Variants in ARHGAP22 observed in about 807,000 individuals in gnomAD.
ARHGAP22 encodes the protein Rho GTPase activating protein 22, also known as rho GTPase-activating protein 22.
A neutral mutation model predicts 59.1 loss-of-function variants in ARHGAP22; 48 were observed. That is an observed-to-expected ratio of 0.81 (90% CI 0.64 to 1.03). ARHGAP22 has a LOEUF of 1.03. Ranked by LOEUF, ARHGAP22 falls within the 50% of genes least tolerant of loss-of-function variation. ARHGAP22 has a pLI of 0.00. For synonymous variants in ARHGAP22, 445 were observed against 416.4 expected (o/e 1.07, Z -0.84); for missense variants, 1,015 against 958.7 (o/e 1.06, Z -0.78).
rs374484284 is a variant in ARHGAP22 at position 48,630,383 on chromosome 10, C to T, written c.52+21851G>A. On this transcript the variant is annotated intron_variant, in intron 1 of 9. Coordinates refer to the ARHGAP22 transcript ENST00000435790. The stretch of plus-strand genomic sequence containing the variant: ...GGGATTACAGGAATGAGCCACCACG[C>T]CCAGCCCAGAAATGACATCTTAACA... Among the ~76,000 whole-genome samples, 14 of 152,324 alleles carry T rather than the reference C, an allele frequency of 9.2e-5. No individual in the cohort carries two copies. The East Asian group carries it at 2.3e-3, about 25-fold the overall frequency.
At position 48,450,908 on chromosome 10, in the gene ARHGAP22, T is replaced by A; in HGVS notation, c.1221A>T (p.Thr407=). The change falls in exon 9 of 10, where the codon ACA becomes ACT. Residue 407 remains threonine, a synonymous_variant. Coordinates refer to ENST00000249601, the MANE Select transcript of ARHGAP22 (RefSeq NM_021226.4). ...ACCGGCTCCCCGGCCCCGTGGGGGC[T>A]GTTCTGGAGAGCACCGCCACGGCCG... ...DGAAVAVLSR[T]APTGPGSRCS... 1 of 1,595,380 alleles carries A rather than the reference T, an allele frequency of 6.3e-7. No homozygotes were observed. Among genetic ancestry groups the A allele is most frequent in the Non-Finnish European group, 8.5e-7 (1 of 1,172,204 alleles).
At chr10:48,489,669 C>G (rs1177835091) in intron 3 of ARHGAP22, among the ~76,000 whole-genome samples, 2 of 150,956 alleles carry the variant, frequency 1.3e-5, no homozygotes, top group African/African-American at 4.9e-5. Context: ...TTTTAATTGT[C>G]TGTGTGGCCA....
intron 2 of ARHGAP22, among the ~76,000 whole-genome samples, chr10:48,577,970 G>C (rs184462958): frequency 6.6e-6 from 1 of 151,744 alleles, no homozygotes; most frequent in Non-Finnish European, 1.5e-5. Flanking sequence ...CAGCACACCC[G>C]GCTAATTTTT....
chr10:48,454,510 C>G (rs1054215151), intron 6 of ARHGAP22, among the ~76,000 whole-genome samples: 8 of 152,216 alleles, frequency 5.3e-5, no homozygotes, highest in African/African-American at 1.9e-4. Flanking sequence ...AACAGTCCTT[C>G]CCTGGCCCTG....
At chr10:48,543,900 T>C (rs1231509118) in intron 3 of ARHGAP22, among the ~76,000 whole-genome samples, 2 of 152,128 alleles carry the variant, frequency 1.3e-5, no homozygotes, top group East Asian at 1.9e-4. Context: ...GGTGGGCCGA[T>C]TGCCTGAGGT....
chr10:48,646,842 A>C (rs950621596), intron 1 of ARHGAP22, among the ~76,000 whole-genome samples: 1 of 152,240 alleles, frequency 6.6e-6, no homozygotes, highest in Admixed American at 6.5e-5. Context: ...CTTAGATACC[A>C]TATCAAAAGC....
intron 2 of ARHGAP22, among the ~76,000 whole-genome samples, chr10:48,570,774 C>G (rs2058347621): frequency 2.0e-5 from 3 of 152,200 alleles, no homozygotes; most frequent in African/African-American, 7.2e-5. Flanking sequence ...GGCCCCATGG[C>G]ATCAAGGTCT....
Position 48,577,801 on chromosome 10 carries a change from G to GTTTTTTTTTTTTTTTTTTTTT in ARHGAP22, c.234+5131_234+5151dup, listed in dbSNP as rs34557935. On this transcript the variant is annotated intron_variant, in intron 2 of 9. Coordinates refer to ENST00000249601, the MANE Select transcript of ARHGAP22 (RefSeq NM_021226.4). ...TCTGAGATCTAACTGCTCTTTTTTG[G>GTTTTTTTTTTTTTTTTTTTTT]TTTTTTTTTTTTTTTTTTTTTTTTT... Among the ~76,000 whole-genome samples, 30 of 59,158 alleles carry GTTTTTTTTTTTTTTTTTTTTT rather than the reference G, an allele frequency of 5.1e-4. 7 individuals carry two copies. The highest frequency in any genetic ancestry group is 5.8e-4 in the Non-Finnish European group (20 of 34,250). 38.8% of individuals were successfully genotyped at this position (59,158 alleles called of 152,430 possible).
At chr10:48,458,787 G>A (rs1334055807) in intron 5 of ARHGAP22, among the ~76,000 whole-genome samples, 1 of 152,196 alleles carries the variant, frequency 6.6e-6, no homozygotes, top group Admixed American at 6.5e-5. Context: ...AAGCTCCAGA[G>A]GAAGGGTCCC....
At chr10:48,463,207 C>T (rs760977816) in intron 4 of ARHGAP22, among the ~76,000 whole-genome samples, 3 of 152,194 alleles carry the variant, frequency 2.0e-5, no homozygotes, top group Non-Finnish European at 2.9e-5. Context: ...GCTACTTCTC[C>T]GCAGTCTCCA....
chr10:48,587,086 C>T (rs995452947), intron 1 of ARHGAP22, among the ~76,000 whole-genome samples: 11 of 152,232 alleles, frequency 7.2e-5, no homozygotes, highest in African/African-American at 2.4e-4. Context: ...GAAGAAACCA[C>T]CCTGCCCAGA....
the ARHGAP22 span, chr10:48,435,769 G>A: frequency 6.6e-6 from 1 of 152,134 alleles, no homozygotes; most frequent in Admixed American, 6.5e-5. Context: ...AAAAGAATAT[G>A]GTGTATTCTA....
intron 3 of ARHGAP22, among the ~76,000 whole-genome samples, chr10:48,541,095 A>T (rs2055886715): frequency 6.6e-6 from 1 of 152,064 alleles, no homozygotes; most frequent in Non-Finnish European, 1.5e-5. Flanking sequence ...CTCCCAGGTG[A>T]TGCTGATGCA....
chr10:48,652,244 G>A, exon 1 of ARHGAP22: 1 of 1,535,540 alleles, frequency 6.5e-7, no homozygotes, highest in Non-Finnish European at 8.7e-7. Context: ...TGAAATATCT[G>A]GCTGCAAACG....
intron 1 of ARHGAP22, among the ~76,000 whole-genome samples, chr10:48,634,792 C>T (rs2061749807): frequency 6.6e-6 from 1 of 152,048 alleles, no homozygotes; most frequent in South Asian, 2.1e-4. Context: ...GGAGATAGGG[C>T]CTTTAAATAT....
intron 2 of ARHGAP22, among the ~76,000 whole-genome samples, chr10:48,573,619 C>T (rs764335330): frequency 3.9e-5 from 6 of 152,202 alleles, no homozygotes; most frequent in African/African-American, 7.2e-5. Context: ...TAGATGCCTT[C>T]GCATGCTTCT....
intron 2 of ARHGAP22, among the ~76,000 whole-genome samples, chr10:48,569,829 C>T (rs1439363317): frequency 6.6e-6 from 1 of 152,140 alleles, no homozygotes; most frequent in African/African-American, 2.4e-5. Context: ...AAGACATTGT[C>T]ACTTGTGATT....
In ARHGAP22 at chr10:48,446,374, G is replaced by T. The variant is rs771950902; in HGVS notation, c.*17C>A. 6.2e-7 allele frequency: 1 copy of T among 1,612,944 alleles called. No homozygotes were observed. Among genetic ancestry groups the T allele is most frequent in the Non-Finnish European group, 8.5e-7 (1 of 1,179,002 alleles). On this transcript the variant is annotated 3_prime_UTR_variant, in exon 10 of 10. Coordinates refer to ENST00000249601, the MANE Select transcript of ARHGAP22 (RefSeq NM_021226.4). Reference sequence around the variant, plus strand: ...AGACCAGCAGACGTGGTACAGAAGTGAGCTCTGCCATTCCTTTTACTTTGG... The same window carrying T: ...AGACCAGCAGACGTGGTACAGAAGTTAGCTCTGCCATTCCTTTTACTTTGG...
intron 2 of ARHGAP22, among the ~76,000 whole-genome samples, chr10:48,558,340 G>GT (rs59162298): frequency 0.11 from 16,201 of 149,230 alleles, 1,445 homozygotes; most frequent in African/African-American, 0.25. Flanking sequence ...GCGATTTAAT[G>GT]TTTTTTTTTT....
Sources: gnomAD v4.1 joint callset for allele counts (sites outside exome capture counted in the v4.1 genomes callset) on GRCh38, gnomAD v4.1.1 for gene constraint, MANE v1.5 for transcripts, NCBI Gene and HGNC (gene_info 2026-07-23, HGNC 2026-07-21) for gene names.